Variants in PIEZO2 observed in about 807,000 individuals in gnomAD.
The protein encoded by PIEZO2 is piezo type mechanosensitive ion channel component 2, also known as piezo-type mechanosensitive ion channel component 2.
A neutral mutation model predicts 337.3 loss-of-function variants in PIEZO2; 172 were observed. The observed-to-expected ratio is 0.51, with a 90% CI of 0.45 to 0.58. PIEZO2 has a LOEUF of 0.58. PIEZO2 is among the 20% of genes least tolerant of loss of function. The pLI is 0.00. For missense variants in PIEZO2, 3,028 were observed against 3,391.3 expected (o/e 0.89, Z 2.66); for synonymous variants, 1,251 against 1,228.5 (o/e 1.02, Z -0.38).
intron 2 of PIEZO2, among the ~76,000 whole-genome samples, chr18:10,999,135 A>C (rs2035443205): frequency 6.6e-6 from 1 of 151,936 alleles, no homozygotes; most frequent in South Asian, 2.1e-4. Context: ...AAAAAATGTC[A>C]GAAATTTTTA....
At chr18:10,860,218 C>A (rs1436553549) in intron 5 of PIEZO2, among the ~76,000 whole-genome samples, 1 of 152,106 alleles carries the variant, frequency 6.6e-6, no homozygotes, top group Non-Finnish European at 1.5e-5. Flanking sequence ...ACGTCAGTAG[C>A]CTGTTGAGGT....
At chr18:10,996,445 T>C (rs949856007) in intron 2 of PIEZO2, among the ~76,000 whole-genome samples, 2 of 152,218 alleles carry the variant, frequency 1.3e-5, no homozygotes, top group African/African-American at 2.4e-5. Context: ...TATTTGGAAG[T>C]AAATAACTTC....
chr18:11,110,248 G>A lies in PIEZO2; in HGVS notation c.64+38277C>T, dbSNP rs957629021. ...TCCTTCCACCTCAGCGTCCCAAAGT[G>A]CTGGGACTACAGGTGCAAGCCTCCT... On this transcript the variant is annotated intron_variant, in intron 1 of 55. Coordinates refer to ENST00000674853, the MANE Select transcript of PIEZO2 (RefSeq NM_001378183.1). This position sits in a 1 kb window ranked among gnomAD's most constrained non-coding sequence, Gnocchi z 4.2. Among the ~76,000 whole-genome samples the A allele has an allele frequency of 6.6e-6, 1 of 152,202 alleles. No individual in the cohort carries two copies. The highest frequency in any genetic ancestry group is 2.4e-5 in the African/African-American group (1 of 41,454).
intron 1 of PIEZO2, among the ~76,000 whole-genome samples, chr18:11,076,838 T>C (rs1245618241): frequency 1.3e-5 from 2 of 152,220 alleles, no homozygotes; most frequent in African/African-American, 4.8e-5. Flanking sequence ...ACAGTTTGCA[T>C]AATTTTAAGG....
intron 2 of PIEZO2, among the ~76,000 whole-genome samples, chr18:11,053,725 C>T (rs1483254874): frequency 2.0e-5 from 3 of 152,156 alleles, no homozygotes; most frequent in Admixed American, 6.5e-5. Context: ...TGTAATATAT[C>T]GGGTTAAAAG....
At position 10,979,449 on chromosome 18, in the gene PIEZO2, T is replaced by C. The variant is rs2034580132; in HGVS notation, c.286+86A>G. 1 of 1,233,236 alleles carries C rather than the reference T, an allele frequency of 8.1e-7. No individual in the cohort carries two copies. The highest frequency in any genetic ancestry group is 1.5e-5 in the African/African-American group (1 of 66,404). 76.4% of individuals were successfully genotyped at this position (1,233,236 alleles called of 1,614,324 possible). On this transcript the variant is annotated intron_variant, in intron 3 of 55. Transcript: ENST00000674853. The surrounding 1 kb of genome is among the most constrained non-coding windows in gnomAD (Gnocchi z 4.0). ...ATAATTTAATTATTGCATAGATTTC[T>C]ATGTGTGCGATGACACACAGCTTTA... is the stretch of plus-strand genomic sequence containing the variant.
intron 18 of PIEZO2, among the ~76,000 whole-genome samples, chr18:10,777,723 A>G (rs2038838554): frequency 6.6e-6 from 1 of 152,224 alleles, no homozygotes; most frequent in African/African-American, 2.4e-5. Context: ...GTGGTAATAT[A>G]AACTGCACTG....
rs1253444738 is a variant in PIEZO2 at position 11,111,883 on chromosome 18, A to G, written c.64+36642T>C. On this transcript the variant is annotated intron_variant, in intron 1 of 55. Coordinates refer to ENST00000674853, the MANE Select transcript of PIEZO2 (RefSeq NM_001378183.1). This position sits in a 1 kb window ranked among gnomAD's most constrained non-coding sequence, Gnocchi z 6.2. The stretch of plus-strand genomic sequence containing the variant: ...CAACCATGGATAGATTATAAAGTCA[A>G]ATAACAATGTGTCTCTTTTAAGATA... Among the ~76,000 whole-genome samples the G allele has an allele frequency of 1.3e-5, 2 of 152,238 alleles. No homozygotes were observed. Among genetic ancestry groups the G allele is most frequent in the Non-Finnish European group, 1.5e-5 (1 of 68,042 alleles).
At chr18:11,147,613 C>G (rs2146309998) in intron 1 of PIEZO2, among the ~76,000 whole-genome samples, 1 of 152,360 alleles carries the variant, frequency 6.6e-6, no homozygotes, top group East Asian at 1.9e-4. Context: ...GCTCTACTTC[C>G]TAGCTCTTGT....
At chr18:10,927,529 A>G (rs538087942) in intron 3 of PIEZO2, among the ~76,000 whole-genome samples, 1 of 152,216 alleles carries the variant, frequency 6.6e-6, no homozygotes, top group African/African-American at 2.4e-5. Flanking sequence ...TGAACATTAC[A>G]TTTACACAAA....
At chr18:10,967,304 A>T (rs2034049681) in intron 3 of PIEZO2, among the ~76,000 whole-genome samples, 2 of 152,158 alleles carry the variant, frequency 1.3e-5, no homozygotes, top group Non-Finnish European at 2.9e-5. Context: ...GGTGTGAGCC[A>T]CCATGCCCGG....
chr18:10,770,733 CCCTTCCTTCCTT>C (rs371395751), intron 20 of PIEZO2, among the ~76,000 whole-genome samples: 3 of 138,668 alleles, frequency 2.2e-5, no homozygotes, highest in Non-Finnish European at 3.1e-5. Context: ...CACCCTCCCT[CCCTTCCTTCCTT>C]CCTTCCTTCC....
At chr18:10,832,333 G>A (rs936947674) in intron 7 of PIEZO2, among the ~76,000 whole-genome samples, 9 of 152,088 alleles carry the variant, frequency 5.9e-5, no homozygotes, top group African/African-American at 2.2e-4. Flanking sequence ...GGGAAGGGGG[G>A]GATATATGTG....
chr18:11,110,746 G>T lies in PIEZO2; in HGVS notation c.64+37779C>A, dbSNP rs574073905. Among the ~76,000 whole-genome samples the T allele has an allele frequency of 7.6e-6, 1 of 132,224 alleles. No homozygotes were observed. The highest frequency in any genetic ancestry group is 1.6e-5 in the Non-Finnish European group (1 of 63,340). 86.7% of individuals were successfully genotyped at this position (132,224 alleles called of 152,430 possible). On this transcript the variant is annotated intron_variant, in intron 1 of 55. Coordinates refer to ENST00000674853, the MANE Select transcript of PIEZO2 (RefSeq NM_001378183.1). The surrounding 1 kb of genome is among the most constrained non-coding windows in gnomAD (Gnocchi z 4.2). ...GTCTTGTGCTTCCTGCCTTGCCTCC[G>T]TCAAGCTGATGGCAGGCAGCTCTGG...
At chr18:10,868,376 T>C (rs562758758) in intron 5 of PIEZO2, among the ~76,000 whole-genome samples, 27 of 152,330 alleles carry the variant, frequency 1.8e-4, no homozygotes, top group African/African-American at 6.0e-4. Context: ...TTTGGCCAGG[T>C]ACTTTTATTC....
At chr18:11,100,618 C>T (rs1483730074) in intron 1 of PIEZO2, among the ~76,000 whole-genome samples, 6 of 151,768 alleles carry the variant, frequency 4.0e-5, no homozygotes, top group South Asian at 4.2e-4. Flanking sequence ...TTTTTTGAGA[C>T]GGAGTCTCAC....
At position 10,821,390 on chromosome 18, in the gene PIEZO2, A is replaced by G. The variant is rs149113735; in HGVS notation, c.918-14116T>C. Among the ~76,000 whole-genome samples the G allele has an allele frequency of 9.9e-5, 15 of 152,246 alleles. No individual in the cohort carries two copies. The highest frequency in any genetic ancestry group is 8.8e-5 in the Non-Finnish European group (6 of 68,014). On this transcript the variant is annotated intron_variant, in intron 7 of 55. Transcript: ENST00000674853. The surrounding 1 kb of genome is among the most constrained non-coding windows in gnomAD (Gnocchi z 4.2). ...GGATAGCTGGTCTAGTACACTTCAC[A>G]TATCTTTTTAACACCTGCCTGACTA... is the stretch of plus-strand genomic sequence containing the variant.
chr18:11,135,287 G>A (rs1046133149), intron 1 of PIEZO2, among the ~76,000 whole-genome samples: 1 of 152,120 alleles, frequency 6.6e-6, no homozygotes, highest in African/African-American at 2.4e-5. Context: ...ACAAACGCCA[G>A]GGCTATTTTA....
At position 10,727,984 on chromosome 18, in the gene PIEZO2, G is replaced by T. The variant is rs2036609300; in HGVS notation, c.5029+3423C>A. Reference sequence around the variant, plus strand: ...AAAAAAAAAGAAAAAAGAAAAAAAGGGATAAGAAGCCTGACATATAAATAG... The same window carrying T: ...AAAAAAAAAGAAAAAAGAAAAAAAGTGATAAGAAGCCTGACATATAAATAG... On this transcript the variant is annotated intron_variant, in intron 36 of 55. Transcript: ENST00000674853. This position sits in a 1 kb window ranked among gnomAD's most constrained non-coding sequence, Gnocchi z 6.3. 3 of 151,944 alleles carry T rather than the reference G, an allele frequency of 2.0e-5. No individual in the cohort carries two copies. Among genetic ancestry groups the T allele is most frequent in the African/African-American group, 7.3e-5 (3 of 41,276 alleles). 9.4% of individuals were successfully genotyped at this position (151,944 alleles called of 1,614,324 possible).
Sources: gnomAD v4.1 joint callset for allele counts (sites outside exome capture counted in the v4.1 genomes callset) on GRCh38, gnomAD v4.1.1 for gene constraint, Gnocchi (gnomAD v3.1) non-coding constraint, MANE v1.5 for transcripts, NCBI Gene and HGNC (gene_info 2026-07-23, HGNC 2026-07-21) for gene names.